The following BCORL1 variants were observed in gnomAD, a reference collection of about 807,000 sequenced individuals.
BCORL1 encodes the protein BCL6 corepressor like 1.
A neutral mutation model predicts 87.6 loss-of-function variants in BCORL1; 7 were observed. The ratio of observed to expected loss-of-function variants is 0.08; its 90% CI spans 0.05 to 0.15. The LOEUF (loss-of-function observed/expected upper bound fraction) is 0.15. Ranked by LOEUF, BCORL1 falls within the 10% of genes least tolerant of loss-of-function variation. The pLI is 1.00. For missense variants in BCORL1, 1,215 were observed against 1,499.7 expected (o/e 0.81, Z 3.13); for synonymous variants, 591 against 634.4 (o/e 0.93, Z 1.03).
Position 130,013,732 on chromosome X carries a change from T to C in BCORL1, c.960T>C (p.Pro320=). 2.5e-6 allele frequency: 3 copies of C among 1,199,730 alleles called. No homozygotes were observed. Among genetic ancestry groups the C allele is most frequent in the Non-Finnish European group, 3.4e-6 (3 of 889,521 alleles). ...CTCCCTTGGCTCTCATCCAGGCTCC[T>C]GTGCCCCCTTCAGCTCCGACCTTGG... is the stretch of plus-strand genomic sequence containing the variant. The part of the protein sequence containing the change: ...SAPPLALIQA[P]VPPSAPTLVL... The change falls in exon 4 of 14, where the codon CCT becomes CCC. Residue 320 remains proline, a synonymous_variant. Transcript: ENST00000540052.
chrX:130,050,714 C>T lies in BCORL1; in HGVS notation c.4841-3C>T. On this transcript the variant is annotated splice_polypyrimidine_tract_variant and splice_region_variant and intron_variant, in intron 11 of 13. Coordinates refer to ENST00000540052, the MANE Select transcript of BCORL1 (RefSeq NM_001379451.1). ...GTCTCACTGCCTGCTCTTCTTTCAT[C>T]AGATCACCTCTCGGATCTTCAGGGC... is the stretch of plus-strand genomic sequence containing the variant. 1 of 1,209,987 alleles carries T rather than the reference C, an allele frequency of 8.3e-7. No individual in the cohort carries two copies. The highest frequency in any genetic ancestry group is 1.1e-6 in the Non-Finnish European group (1 of 893,841).
intron 13 of BCORL1, among the ~76,000 whole-genome samples, chrX:130,052,570 C>A (rs1247031017): frequency 8.9e-6 from 1 of 112,272 alleles, no homozygotes; most frequent in Non-Finnish European, 1.9e-5. Flanking sequence ...ATATACCTGA[C>A]ACGTAACATT....
chrX:130,017,251 C>A (rs1340181922), intron 4 of BCORL1, among the ~76,000 whole-genome samples: 2 of 111,095 alleles, frequency 1.8e-5, no homozygotes, highest in African/African-American at 6.6e-5. Context: ...AGGTTAAGAA[C>A]CCCTGGGATA....
At chrX:129,998,358 G>A (rs767653704) in intron 1 of BCORL1, among the ~76,000 whole-genome samples, 9 of 109,400 alleles carry the variant, frequency 8.2e-5, no homozygotes, top group South Asian at 7.9e-4. Context: ...GAGAGTAGGC[G>A]GGGTGGTGGG....
chrX:130,012,718 G>A (rs893314092), intron 3 of BCORL1, 50 bp downstream of exon 3: 5 of 1,121,910 alleles, frequency 4.5e-6, no homozygotes, highest in African/African-American at 3.6e-5. Context: ...ATGGAGCTGA[G>A]CTGCCTGGGA....
chrX:130,022,394 A>G (rs1409003814), intron 5 of BCORL1, among the ~76,000 whole-genome samples: 1 of 107,632 alleles, frequency 9.3e-6, no homozygotes, highest in Non-Finnish European at 1.9e-5. Context: ...ACTACAGGTG[A>G]GTGCCACCAC....
chrX:130,043,243 T>C (rs1931459186), intron 11 of BCORL1, among the ~76,000 whole-genome samples: 1 of 111,000 alleles, frequency 9.0e-6, no homozygotes, highest in South Asian at 3.8e-4. Context: ...TTGGCCAGGC[T>C]GGTCTCCAAC....
intron 1 of BCORL1, among the ~76,000 whole-genome samples, chrX:130,004,057 A>G (rs1928278012): frequency 9.0e-6 from 1 of 111,420 alleles, no homozygotes; most frequent in Admixed American, 9.6e-5. Context: ...AAGCTAACTC[A>G]AGAGCTTAAG....
At chrX:130,004,525 G>A (rs1224929994) in intron 1 of BCORL1, among the ~76,000 whole-genome samples, 1 of 111,860 alleles carries the variant, frequency 8.9e-6, no homozygotes, top group Non-Finnish European at 1.9e-5. Context: ...GATTACAGGC[G>A]TGAGCCACCG....
At chrX:130,012,867 C>T (rs955007181) in intron 3 of BCORL1, 83 bp from the exon 4 acceptor site, 13 of 1,136,274 alleles carry the variant, frequency 1.1e-5, no homozygotes, top group African/African-American at 5.4e-5. Flanking sequence ...CAGAGAAGAC[C>T]AGCAGTTGCC....
intron 11 of BCORL1, among the ~76,000 whole-genome samples, chrX:130,041,391 T>G (rs1931307226): frequency 9.0e-6 from 1 of 111,235 alleles, no homozygotes; most frequent in African/African-American, 3.3e-5. Flanking sequence ...GTTTTGTTTT[T>G]GGCGCGATCT....
At chrX:130,024,676 G>A (rs1340627186) in intron 6 of BCORL1, among the ~76,000 whole-genome samples, 1 of 111,468 alleles carries the variant, frequency 9.0e-6, no homozygotes, top group Non-Finnish European at 1.9e-5. Context: ...ACACTGTAAC[G>A]TGGATGAGTA....
chrX:130,027,210 G>A (rs747386393), intron 7 of BCORL1, among the ~76,000 whole-genome samples: 13 of 112,925 alleles, frequency 1.2e-4, no homozygotes, highest in Non-Finnish European at 1.7e-4. Context: ...CATGTTTCCT[G>A]GGGTCCTCAC....
rs930856117 is a variant in BCORL1 at position 130,034,486 on chromosome X, G to A, written c.4337G>A (p.Arg1446Gln). Residue 1446 changes from arginine (R) to glutamine (Q), a missense_variant, in exon 9 of 14, where the codon CGA (arginine) becomes CAA (glutamine). By Grantham distance (43) the Arg-to-Gln change is conservative (BLOSUM62 1). This residue lies in a region of BCORL1 where 166 missense variants were observed against 196.5 expected (regional missense o/e 0.84). Transcript: ENST00000540052. ...GGTCGTTGGAGCCAGCAGAAGACACGATCTCCCAAATCTCCCACCCCAGTG... is the reference window on the plus strand; with the variant it reads ...GGTCGTTGGAGCCAGCAGAAGACACAATCTCCCAAATCTCCCACCCCAGTG... ...GKGRWSQQKT[R>Q]SPKSPTPVKP... The A allele has an allele frequency of 7.1e-6, 7 of 980,824 alleles. No homozygotes were observed. The highest frequency in any genetic ancestry group is 6.0e-5 in the African/African-American group (3 of 49,824). The allele number at this position is 980,824 out of a possible 1,213,427, so 80.8% of individuals were successfully genotyped here.
At chrX:130,022,501 G>A (rs1238969330) in intron 5 of BCORL1, among the ~76,000 whole-genome samples, 2 of 110,012 alleles carry the variant, frequency 1.8e-5, no homozygotes, top group Admixed American at 9.7e-5. Flanking sequence ...ACCCACCTCG[G>A]CCTCCCAAAG....
intron 11 of BCORL1, among the ~76,000 whole-genome samples, chrX:130,043,785 T>TATATATATATATATA (rs59484337): frequency 1.3e-3 from 14 of 10,429 alleles, no homozygotes; most frequent in African/African-American, 3.0e-3. Context: ...TATATATATA[T>TATATATATATATATA]TTTTTTTTTT....
intron 1 of BCORL1, among the ~76,000 whole-genome samples, chrX:129,990,526 C>G (rs1340967559): frequency 8.9e-6 from 1 of 111,765 alleles, no homozygotes; most frequent in Non-Finnish European, 1.9e-5. Context: ...CCACTGTGCC[C>G]GGCCCTATTA....
chrX:129,999,059 GGTT>G (rs1232585393), intron 1 of BCORL1, among the ~76,000 whole-genome samples: 2 of 96,007 alleles, frequency 2.1e-5, no homozygotes, highest in African/African-American at 8.9e-5. Flanking sequence ...TATTTTTTGT[GGTT>G]TTTTTTTTTT....
At chrX:130,029,935 G>A (rs1433598535) in intron 8 of BCORL1, among the ~76,000 whole-genome samples, 21 of 111,579 alleles carry the variant, frequency 1.9e-4, no homozygotes, top group African/African-American at 5.9e-4. Flanking sequence ...AATTACAGGC[G>A]GAAGCCATCA....
Sources: gnomAD v4.1 joint callset for allele counts (sites outside exome capture counted in the v4.1 genomes callset) on GRCh38, gnomAD v4.1.1 for gene constraint, gnomAD v4.1.1 regional missense constraint, MANE v1.5 for transcripts, NCBI Gene and HGNC (gene_info 2026-07-23, HGNC 2026-07-21) for gene names.